The following AKAP13 variants were observed in gnomAD, a reference collection of about 807,000 sequenced individuals.
AKAP13 encodes A-kinase anchor protein 13.
A neutral mutation model predicts 264.5 loss-of-function variants in AKAP13; 80 were observed. The observed-to-expected ratio is 0.30, with a 90% CI of 0.25 to 0.36. The LOEUF (loss-of-function observed/expected upper bound fraction) is 0.36, where lower values mean the gene tolerates loss of function less well. Ranked by LOEUF, AKAP13 falls within the 10% of genes least tolerant of loss-of-function variation. AKAP13 has a pLI of 1.00. For missense variants in AKAP13, 3,712 were observed against 3,435.2 expected (o/e 1.08, Z -2.01); for synonymous variants, 1,380 against 1,250.2 (o/e 1.10, Z -2.19).
At chr15:85,392,011 C>T (rs1012104722) in intron 1 of AKAP13, among the ~76,000 whole-genome samples, 1 of 151,566 alleles carries the variant, frequency 6.6e-6, no homozygotes, top group Non-Finnish European at 1.5e-5. Context: ...TCTTGAACTC[C>T]TGACCTCGTG....
At chr15:85,615,116 T>TA (rs1270628255) in intron 8 of AKAP13, among the ~76,000 whole-genome samples, 2 of 152,374 alleles carry the variant, frequency 1.3e-5, no homozygotes, top group East Asian at 3.8e-4. Context: ...TTTACGAAGA[T>TA]ACTTTTTTCT....
At chr15:85,477,528 G>A (rs1168263450) in intron 1 of AKAP13, among the ~76,000 whole-genome samples, 2 of 151,396 alleles carry the variant, frequency 1.3e-5, no homozygotes, top group Non-Finnish European at 2.9e-5. Context: ...GCTGTGTCTG[G>A]GTTTGAGTTT....
intron 1 of AKAP13, among the ~76,000 whole-genome samples, chr15:85,399,092 G>T (rs140914599): frequency 2.0e-4 from 31 of 152,292 alleles, no homozygotes; most frequent in Admixed American, 1.7e-3. Context: ...GCTGTTCATA[G>T]ATATTGTCAA....
At chr15:85,425,873 G>A (rs1487081292) in intron 1 of AKAP13, among the ~76,000 whole-genome samples, 4 of 151,276 alleles carry the variant, frequency 2.6e-5, no homozygotes, top group African/African-American at 4.9e-5. Context: ...TTTAAAAATA[G>A]CCCAAAAGAT....
chr15:85,440,991 A>ACT (rs2073624739), intron 1 of AKAP13, among the ~76,000 whole-genome samples: 2 of 152,178 alleles, frequency 1.3e-5, no homozygotes, highest in African/African-American at 4.8e-5. Flanking sequence ...ACAAAACAAA[A>ACT]CAAACTGATG....
At chr15:85,628,051 C>A (rs758606809) in intron 8 of AKAP13, among the ~76,000 whole-genome samples, 24 of 152,116 alleles carry the variant, frequency 1.6e-4, no homozygotes, top group African/African-American at 5.3e-4. Context: ...ATTTGTGTAC[C>A]TATTGTATTA....
At chr15:85,453,739 A>T (rs371818247) in intron 1 of AKAP13, among the ~76,000 whole-genome samples, 1 of 151,882 alleles carries the variant, frequency 6.6e-6, no homozygotes, top group Non-Finnish European at 1.5e-5. Flanking sequence ...CCAAACAGCA[A>T]AGATGGTAGC....
At chr15:85,631,042 A>G (rs2151446800) in intron 8 of AKAP13, among the ~76,000 whole-genome samples, 1 of 152,306 alleles carries the variant, frequency 6.6e-6, no homozygotes. Context: ...CAACTGATGC[A>G]TATAGATAAG....
chr15:85,621,720 A>C (rs1434121766), intron 8 of AKAP13, among the ~76,000 whole-genome samples: 2 of 152,190 alleles, frequency 1.3e-5, no homozygotes, highest in African/African-American at 2.4e-5. Context: ...ACGTTACTTA[A>C]TTTGAGACTT....
intron 13 of AKAP13, among the ~76,000 whole-genome samples, chr15:85,666,702 C>G (rs1477973886): frequency 6.6e-6 from 1 of 152,212 alleles, no homozygotes. Flanking sequence ...GTGTGAGCCA[C>G]TGTGCCTGGC....
At chr15:85,406,279 T>G (rs1272605844) in intron 1 of AKAP13, among the ~76,000 whole-genome samples, 3 of 152,246 alleles carry the variant, frequency 2.0e-5, no homozygotes, top group African/African-American at 7.2e-5. Flanking sequence ...TTTACCATCC[T>G]GAGTGAAGAG....
intron 1 of AKAP13, among the ~76,000 whole-genome samples, chr15:85,398,280 G>A (rs1475281481): frequency 2.6e-5 from 4 of 152,192 alleles, no homozygotes; most frequent in Admixed American, 2.6e-4. Flanking sequence ...ATTTATGAAA[G>A]ACATTTTTAA....
intron 1 of AKAP13, among the ~76,000 whole-genome samples, chr15:85,454,265 A>G (rs931436459): frequency 3.3e-5 from 5 of 152,206 alleles, no homozygotes; most frequent in African/African-American, 1.2e-4. Flanking sequence ...ACGCATGCCA[A>G]GACTCCACAT....
chr15:85,527,456 T>TA (rs1465892755), intron 3 of AKAP13, among the ~76,000 whole-genome samples: 5 of 152,202 alleles, frequency 3.3e-5, no homozygotes, highest in Non-Finnish European at 7.3e-5. Flanking sequence ...TCTGTGGTAT[T>TA]AAAGTTTCAT....
At chr15:85,652,648 C>T (rs1458866795) in intron 10 of AKAP13, among the ~76,000 whole-genome samples, 1 of 152,180 alleles carries the variant, frequency 6.6e-6, no homozygotes, top group Admixed American at 6.5e-5. Context: ...ACAACAGGAA[C>T]TTACTTGGTC....
chr15:85,446,072 G>T (rs2073888224), intron 1 of AKAP13, among the ~76,000 whole-genome samples: 1 of 152,206 alleles, frequency 6.6e-6, no homozygotes, highest in African/African-American at 2.4e-5. Context: ...TATTGCTAGA[G>T]TTGTGATGGC....
At chr15:85,476,367 C>T (rs2075163408) in intron 1 of AKAP13, among the ~76,000 whole-genome samples, 1 of 152,174 alleles carries the variant, frequency 6.6e-6, no homozygotes, top group South Asian at 2.1e-4. Flanking sequence ...ATATTTTCCT[C>T]ACCATCACCT....
chr15:85,651,394 T>C (rs914716382), intron 10 of AKAP13: 5 of 152,202 alleles, frequency 3.3e-5, no homozygotes, highest in African/African-American at 7.2e-5. Context: ...GTTACAAATA[T>C]CGATATACTT....
intron 5 of AKAP13, among the ~76,000 whole-genome samples, chr15:85,551,435 C>A (rs1458975089): frequency 6.6e-6 from 1 of 152,180 alleles, no homozygotes; most frequent in African/African-American, 2.4e-5. Context: ...ATGTAATAGC[C>A]ATAGCTGGTA....
Sources: allele counts gnomAD v4.1 joint callset (sites outside exome capture counted in the v4.1 genomes callset), GRCh38; gene constraint gnomAD v4.1.1; transcripts MANE v1.5; gene names NCBI Gene and HGNC (gene_info 2026-07-23, HGNC 2026-07-21).